The following PDZD2 variants were observed in gnomAD, a reference collection of about 807,000 sequenced individuals.
The protein encoded by PDZD2 is PDZ domain containing 2.
A neutral mutation model predicts 220.7 loss-of-function variants in PDZD2; 90 were observed. The observed-to-expected ratio is 0.41, with a 90% CI of 0.34 to 0.49. The LOEUF (loss-of-function observed/expected upper bound fraction) is 0.49, where lower values mean the gene tolerates loss of function less well. PDZD2 is among the 20% of genes least tolerant of loss of function. PDZD2 has a pLI of 0.28. For synonymous variants in PDZD2, 1,375 were observed against 1,450.5 expected, an observed-to-expected ratio of 0.95 and a Z score of 1.18; for missense variants, 3,174 against 3,608.5, an observed-to-expected ratio of 0.88 and a Z score of 3.08.
intron 2 of PDZD2, among the ~76,000 whole-genome samples, chr5:31,980,164 AC>A (rs1343093025): frequency 1.3e-5 from 2 of 151,672 alleles, no homozygotes; most frequent in African/African-American, 4.8e-5. Flanking sequence ...CATTTCCTTC[AC>A]CCCCACAAAA....
chr5:31,862,137 G>C (rs1480156451), intron 2 of PDZD2, among the ~76,000 whole-genome samples: 1 of 111,236 alleles, frequency 9.0e-6, no homozygotes, highest in African/African-American at 3.6e-5. Context: ...ATGGAGTCTC[G>C]CTCTGTTGCC....
intron 1 of PDZD2, among the ~76,000 whole-genome samples, chr5:31,776,444 T>TTTTTA (rs1366008486): frequency 1.4e-5 from 2 of 145,180 alleles, no homozygotes; most frequent in Non-Finnish European, 3.0e-5. Context: ...ATACATTGTG[T>TTTTTA]TTTTATTTTA....
intron 2 of PDZD2, among the ~76,000 whole-genome samples, chr5:31,933,762 A>G (rs7728203): frequency 0.15 from 22,723 of 152,152 alleles, 1,761 homozygotes; most frequent in South Asian, 0.24. Flanking sequence ...ACGCAATGAG[A>G]AAGTAGAACT....
At chr5:31,717,730 G>A (rs748912490) in intron 1 of PDZD2, among the ~76,000 whole-genome samples, 3 of 152,212 alleles carry the variant, frequency 2.0e-5, no homozygotes, top group Non-Finnish European at 4.4e-5. Context: ...GTGCCACGCA[G>A]AGCCTGAGCA....
intron 1 of PDZD2, among the ~76,000 whole-genome samples, chr5:31,676,000 C>G (rs997543722): frequency 3.9e-5 from 6 of 152,222 alleles, no homozygotes; most frequent in Admixed American, 6.5e-5. Flanking sequence ...CCGTGCCCAG[C>G]CTCCTTGAAG....
intron 14 of PDZD2, among the ~76,000 whole-genome samples, chr5:32,069,238 C>T (rs6876080): frequency 0.03 from 4,190 of 140,382 alleles, 159 homozygotes; most frequent in African/African-American, 0.086. Flanking sequence ...TGCACTCCAG[C>T]TTGGGTAACA....
intron 1 of PDZD2, among the ~76,000 whole-genome samples, chr5:31,709,912 C>T (rs763187861): frequency 3.9e-4 from 60 of 152,070 alleles, no homozygotes; most frequent in Admixed American, 1.0e-3. Flanking sequence ...GCCAAGATCA[C>T]GCCACTGCAC....
chr5:31,938,548 C>T (rs1745953393), intron 2 of PDZD2, among the ~76,000 whole-genome samples: 1 of 152,150 alleles, frequency 6.6e-6, no homozygotes, highest in Admixed American at 6.5e-5. Flanking sequence ...TGGAAGAACC[C>T]ATTGGGGACC....
At chr5:31,643,387 T>C (rs1745018760) in intron 1 of PDZD2, among the ~76,000 whole-genome samples, 1 of 152,210 alleles carries the variant, frequency 6.6e-6, no homozygotes, top group Admixed American at 6.5e-5. Context: ...GCGTCTAAAT[T>C]TAATGTCCCT....
At chr5:32,078,125 C>G (rs563419446) in intron 19 of PDZD2, among the ~76,000 whole-genome samples, 3 of 151,986 alleles carry the variant, frequency 2.0e-5, no homozygotes, top group Non-Finnish European at 4.4e-5. Flanking sequence ...GTCAGTTGAC[C>G]CTTTTTACCC....
chr5:32,069,099 C>G lies in PDZD2; in HGVS notation c.2452-470C>G, dbSNP rs181298686. ...TGACCAATATACTGAAACCCTGTCT[C>G]TACTAAAAATACAAAAATTAGCCAG... On this transcript the variant is annotated intron_variant, in intron 14 of 24. Coordinates refer to ENST00000438447, the MANE Select transcript of PDZD2 (RefSeq NM_178140.4). 4.3e-3 allele frequency among the ~76,000 whole-genome samples: 652 copies of G among 152,062 alleles called. 7 individuals carry two copies. The highest frequency in any genetic ancestry group is 0.015 in the African/African-American group (635 of 41,498).
chr5:31,948,422 T>C (rs1746855672), intron 2 of PDZD2, among the ~76,000 whole-genome samples: 2 of 152,186 alleles, frequency 1.3e-5, no homozygotes, highest in South Asian at 2.1e-4. Flanking sequence ...CAGATTTTAA[T>C]ATCTGTAAAG....
intron 6 of PDZD2, among the ~76,000 whole-genome samples, chr5:32,028,455 A>C (rs976326148): frequency 5.3e-5 from 8 of 152,162 alleles, no homozygotes; most frequent in Admixed American, 1.3e-4. Context: ...GTCTAGTGCA[A>C]CTTTTCAGAG....
At chr5:31,669,284 C>T (rs1746119609) in intron 1 of PDZD2, among the ~76,000 whole-genome samples, 1 of 151,770 alleles carries the variant, frequency 6.6e-6, no homozygotes, top group Non-Finnish European at 1.5e-5. Context: ...CATCTGTAGT[C>T]CCAGCCACTT....
At chr5:32,058,147 C>T (rs1390425982) in intron 12 of PDZD2, 44 bp downstream of exon 12, 1 of 1,001,348 alleles carries the variant, frequency 1.0e-6, no homozygotes, top group Admixed American at 1.8e-5. Context: ...TCTTGAATAA[C>T]ATTTTGGAAT....
chr5:31,944,890 C>T (rs1050634910), intron 2 of PDZD2, among the ~76,000 whole-genome samples: 3 of 152,222 alleles, frequency 2.0e-5, no homozygotes, highest in Admixed American at 2.0e-4. Flanking sequence ...TTGCCTGTAG[C>T]CAATTACCTC....
chr5:31,767,566 T>C (rs1332311262), intron 1 of PDZD2, among the ~76,000 whole-genome samples: 1 of 152,260 alleles, frequency 6.6e-6, no homozygotes, highest in African/African-American at 2.4e-5. Context: ...ATGACTCATA[T>C]CTTGTAGTCA....
intron 1 of PDZD2, among the ~76,000 whole-genome samples, chr5:31,675,832 G>C (rs1425003588): frequency 4.6e-5 from 7 of 152,172 alleles, no homozygotes; most frequent in Non-Finnish European, 8.8e-5. Context: ...AAGTAGCTGG[G>C]ATGGGACTAT....
At chr5:32,014,838 C>T (rs1753648058) in intron 6 of PDZD2, among the ~76,000 whole-genome samples, 1 of 151,028 alleles carries the variant, frequency 6.6e-6, no homozygotes, top group African/African-American at 2.4e-5. Flanking sequence ...GCCTCAGTCT[C>T]CTGGGGACTA....
Sources: gnomAD v4.1 joint callset for allele counts (sites outside exome capture counted in the v4.1 genomes callset) on GRCh38, gnomAD v4.1.1 for gene constraint, MANE v1.5 for transcripts, NCBI Gene and HGNC (gene_info 2026-07-23, HGNC 2026-07-21) for gene names.